Variants in CARS2 observed in about 807,000 individuals in gnomAD.
The protein encoded by CARS2 is probable cysteine--tRNA ligase, mitochondrial.
CARS2 carries 52 observed loss-of-function variants against 68.8 expected under a neutral mutation model. The observed-to-expected ratio is 0.76, with a 90% CI of 0.61 to 0.95. CARS2 has a LOEUF of 0.95. CARS2 is among the 40% of genes least tolerant of loss of function. The probability of loss-of-function intolerance (pLI) is 0.00; values close to 1 mark genes in which losing one functional copy is unlikely to be tolerated. For missense variants in CARS2, 780 were observed against 754.2 expected, an observed-to-expected ratio of 1.03 and a Z score of -0.40; for synonymous variants, 314 against 303.6, an observed-to-expected ratio of 1.03 and a Z score of -0.36.
chr13:110,647,121 C>T lies in CARS2; in HGVS notation c.1173G>A (p.Arg391=). 6.3e-7 allele frequency: 1 copy of T among 1,599,134 alleles called. No individual in the cohort carries two copies. Among genetic ancestry groups the T allele is most frequent in the South Asian group, 1.1e-5 (1 of 89,132 alleles). ...MKGQLACGSV[R]EAMLWERLSS... ...CTTACCTCTCCCACAGCATCGCTTC[C>T]CTGACGGAGCCGCAGGCCAGCTGCC... Residue 391 remains arginine, a synonymous_variant, in exon 11 of 15, where the codon AGG becomes AGA. Coordinates refer to ENST00000257347, the MANE Select transcript of CARS2 (RefSeq NM_024537.4).
At chr13:110,708,753 T>A (rs1194497627), upstream of CARS2, among the ~76,000 whole-genome samples, 1 of 151,952 alleles carries the variant, frequency 6.6e-6, no homozygotes, top group Non-Finnish European at 1.5e-5. Flanking sequence ...TTTATTTTTA[T>A]TTTTATGTAT....
At chr13:110,642,773 A>C in intron 13 of CARS2, 2 of 728,208 alleles carry the variant, frequency 2.7e-6, no homozygotes, top group Non-Finnish European at 5.0e-6. Flanking sequence ...CGGGAGTTGG[A>C]AGAAAGGGCT....
rs1003653119 is a variant in CARS2 at position 110,676,636 on chromosome 13, G to A, written c.785+338C>T. On this transcript the variant is annotated intron_variant, in intron 7 of 14. Coordinates refer to ENST00000257347, the MANE Select transcript of CARS2 (RefSeq NM_024537.4). The surrounding 1 kb of genome is among the most constrained non-coding windows in gnomAD (Gnocchi z 4.0). ...AGGGATTTGGGGGCTAGAGAAGTGC[G>A]AAGCGAGGAGGGATGTAGGTGCAAG... Among the ~76,000 whole-genome samples, 5 of 152,070 alleles carry A rather than the reference G, an allele frequency of 3.3e-5. No individual in the cohort carries two copies. The highest frequency in any genetic ancestry group is 6.5e-5 in the Admixed American group (1 of 15,282).
At chr13:110,646,282 C>T (rs1888106391) in intron 11 of CARS2, 192 bp from the exon 12 acceptor site, 4 of 583,924 alleles carry the variant, frequency 6.9e-6, no homozygotes, top group East Asian at 3.2e-5. Context: ...TGTCATGTTA[C>T]CCCAAGAAAA....
intron 14 of CARS2, among the ~76,000 whole-genome samples, chr13:110,641,986 GA>G: frequency 6.6e-6 from 1 of 152,344 alleles, no homozygotes; most frequent in African/African-American, 2.4e-5. Flanking sequence ...AGGATCACCT[GA>G]GGTCGGGAGT....
At chr13:110,708,046 C>CT (rs1227647277), upstream of CARS2, among the ~76,000 whole-genome samples, 7 of 152,192 alleles carry the variant, frequency 4.6e-5, no homozygotes, top group Non-Finnish European at 7.4e-5. Flanking sequence ...TATTTTGTAA[C>CT]TTTCCAGTGC....
At chr13:110,709,885 T>C (rs2064012868), upstream of CARS2, among the ~76,000 whole-genome samples, 1 of 151,154 alleles carries the variant, frequency 6.6e-6, no homozygotes, top group African/African-American at 2.5e-5. Context: ...TTAAAGTTAA[T>C]GATTCCAAAA....
At chr13:110,699,691 C>T (rs914688701) in intron 3 of CARS2, among the ~76,000 whole-genome samples, 4 of 152,196 alleles carry the variant, frequency 2.6e-5, no homozygotes, top group African/African-American at 9.7e-5. Flanking sequence ...TGGAGAAAGC[C>T]GACACAAGAC....
chr13:110,641,676 C>G (rs572898009), intron 14 of CARS2, 68 bp from the exon 15 acceptor site: 113 of 1,294,180 alleles, frequency 8.7e-5, no homozygotes, highest in Admixed American at 5.7e-4. Context: ...GGCTGACAGG[C>G]GTAATCAGGT....
At chr13:110,694,492 C>T (rs2063563027) in intron 3 of CARS2, among the ~76,000 whole-genome samples, 1 of 151,686 alleles carries the variant, frequency 6.6e-6, no homozygotes, top group African/African-American at 2.4e-5. Context: ...CAAAAATTAG[C>T]TGGGCGTAGT....
chr13:110,659,478 C>T (rs1566668656), intron 9 of CARS2, among the ~76,000 whole-genome samples: 2 of 147,628 alleles, frequency 1.4e-5, no homozygotes, highest in South Asian at 2.2e-4. Flanking sequence ...TTGCCTGCCC[C>T]TCCTCAAGCC....
rs1046843036 is a variant in CARS2, at chr13:110,676,570, T to C, written c.785+404A>G. Reference sequence around the variant, plus strand: ...ATTTCCGCCACAGAGCACCCTGGCATGCGAGTTGCCTGAGCTAGAAGAGCT... The same window carrying C: ...ATTTCCGCCACAGAGCACCCTGGCACGCGAGTTGCCTGAGCTAGAAGAGCT... On this transcript the variant is annotated intron_variant, in intron 7 of 14. Transcript: ENST00000257347. This position sits in a 1 kb window ranked among gnomAD's most constrained non-coding sequence, Gnocchi z 4.0. Among the ~76,000 whole-genome samples, 10 of 152,070 alleles carry C rather than the reference T, an allele frequency of 6.6e-5. No individual in the cohort carries two copies. The highest frequency in any genetic ancestry group is 1.9e-4 in the African/African-American group (8 of 41,416).
At position 110,668,653 on chromosome 13, in the gene CARS2, G is replaced by A. The variant is rs2062718294; in HGVS notation, c.786-1180C>T. 6.6e-6 allele frequency among the ~76,000 whole-genome samples: 1 copy of A among 152,192 alleles called. No individual in the cohort carries two copies. ...GACTGTGGGACCAGGAGTGGGGAGG[G>A]GATGGGAGGGGCCTCATTTGTATTT... On this transcript the variant is annotated intron_variant, in intron 7 of 14. Transcript: ENST00000257347. This position sits in a 1 kb window ranked among gnomAD's most constrained non-coding sequence, Gnocchi z 4.1.
chr13:110,653,984 T>C lies in CARS2; in HGVS notation c.988-2884A>G, dbSNP rs148454513. On this transcript the variant is annotated intron_variant, in intron 9 of 14. Coordinates refer to ENST00000257347, the MANE Select transcript of CARS2 (RefSeq NM_024537.4). The surrounding 1 kb of genome is among the most constrained non-coding windows in gnomAD (Gnocchi z 5.6). ...ATGTGGCGACGGCAGTGTAAGCTCG[T>C]GCTGGAACTCTCCAGGAGGTAAGCA... Among the ~76,000 whole-genome samples, 1,240 of 152,288 alleles carry C rather than the reference T, an allele frequency of 8.1e-3. 14 individuals carry two copies. Among genetic ancestry groups the C allele is most frequent in the African/African-American group, 0.028 (1,176 of 41,558 alleles).
At chr13:110,707,205 AC>A (rs1012009740), upstream of CARS2, 10 of 149,790 alleles carry the variant, frequency 6.7e-5, no homozygotes, top group African/African-American at 2.2e-4. Flanking sequence ...ACACATCTAC[AC>A]CCCAATACAG....
At position 110,667,485 on chromosome 13, in the gene CARS2, A is replaced by C. The variant is rs2062681623; in HGVS notation, c.786-12T>G. The C allele has an allele frequency of 1.2e-6, 2 of 1,608,556 alleles. No homozygotes were observed. Among genetic ancestry groups the C allele is most frequent in the East Asian group, 4.5e-5 (2 of 44,768 alleles). On this transcript the variant is annotated splice_polypyrimidine_tract_variant and intron_variant, in intron 7 of 14. Coordinates refer to ENST00000257347, the MANE Select transcript of CARS2 (RefSeq NM_024537.4). Reference sequence around the variant, plus strand: ...TTCCAAATACCATACTGCAAGACACAGTGCAAAGTAGTGAATTCATTCAAT... The same window carrying C: ...TTCCAAATACCATACTGCAAGACACCGTGCAAAGTAGTGAATTCATTCAAT...
chr13:110,673,399 T>G (rs1426181354), intron 7 of CARS2, among the ~76,000 whole-genome samples: 1 of 152,238 alleles, frequency 6.6e-6, no homozygotes, highest in Non-Finnish European at 1.5e-5. Context: ...GATGCAAGGC[T>G]GGTTCAACAT....
intron 10 of CARS2, chr13:110,650,751 A>C: frequency 2.7e-6 from 1 of 364,036 alleles, no homozygotes; most frequent in Non-Finnish European, 5.0e-6. Flanking sequence ...CACAGCAGGA[A>C]GCCGAGGTGC....
At position 110,713,022 on chromosome 13, in the gene CARS2, A is replaced by C. The variant is rs1172407372; in HGVS notation, n.399+115T>G. ...TGCGGCCGCAGCTCAAAGGACACCG[A>C]GAGGGTGCCAGTGCGCATGCGCCGC... On this transcript the variant is annotated intron_variant and non_coding_transcript_variant, in intron 1 of 2. Coordinates refer to the CARS2 transcript ENST00000485188. The C allele has an allele frequency of 2.7e-6, 4 of 1,507,860 alleles. No homozygotes were observed. The African/African-American group carries it at 4.2e-5, about 16-fold the overall frequency. 93.4% of individuals were successfully genotyped at this position (1,507,860 alleles called of 1,614,324 possible). A position where few individuals can be genotyped will look rare whatever the true frequency, so the allele number is the denominator to read the frequency against.
Sources: allele counts gnomAD v4.1 joint callset (sites outside exome capture counted in the v4.1 genomes callset), GRCh38; gene constraint gnomAD v4.1.1; non-coding constraint Gnocchi (gnomAD v3.1); transcripts MANE v1.5; gene names NCBI Gene and HGNC (gene_info 2026-07-23, HGNC 2026-07-21).